The following SALL2 variants were observed in gnomAD, a reference collection of about 807,000 sequenced individuals.
The protein encoded by SALL2 is spalt like transcription factor 2, also known as sal-like protein 2.
SALL2 carries 32 observed loss-of-function variants against 58.5 expected under a neutral mutation model. The observed-to-expected ratio is 0.55, with a 90% CI of 0.41 to 0.74. The LOEUF (loss-of-function observed/expected upper bound fraction) is 0.74. SALL2 is among the 30% of genes least tolerant of loss of function. The probability of loss-of-function intolerance (pLI) is 0.00; values close to 1 mark genes in which losing one functional copy is unlikely to be tolerated. For synonymous variants in SALL2, 516 were observed against 513.6 expected (o/e 1.00, Z -0.06); for missense variants, 1,201 against 1,268.9 (o/e 0.95, Z 0.81).
At chr14:21,531,302 C>T (rs1023494406), upstream of SALL2, among the ~76,000 whole-genome samples, 1 of 152,262 alleles carries the variant, frequency 6.6e-6, no homozygotes, top group African/African-American at 2.4e-5. Context: ...CTGACACTCT[C>T]ATTGTCATTG....
chr14:21,525,569 C>G lies in SALL2; in HGVS notation c.153G>C (p.Gln51His). 1.2e-6 allele frequency: 2 copies of G among 1,613,622 alleles called. No homozygotes were observed. The highest frequency in any genetic ancestry group is 1.7e-6 in the Non-Finnish European group (2 of 1,179,792). ...FTDPTEFLAH[Q>H]NACSTDPPVM... is the part of the protein sequence containing the mutation. ...CAGGAGGGTCAGTAGAACATGCGTT[C>G]TGGTGGGCGAGGAATTCAGTTGGGT... is the stretch of plus-strand genomic sequence containing the variant. The change falls in exon 2 of 2, where the codon CAG becomes CAC. Residue 51 changes from glutamine (Q) to histidine (H), a missense_variant. Gln to His is a conservative substitution (Grantham distance 24). Around this residue, in one of 3 missense-constraint regions of SALL2, gnomAD observed 467 missense variants for 468.9 expected, o/e 1.00. Coordinates refer to ENST00000537235, the MANE Select transcript of SALL2 (RefSeq NM_001364564.1). The surrounding 1 kb of genome is among the most constrained non-coding windows in gnomAD (Gnocchi z 4.4).
chr14:21,523,959 G>A lies in SALL2; in HGVS notation c.1763C>T (p.Ser588Leu), dbSNP rs767114272. 53 of 1,614,106 alleles carry A rather than the reference G, an allele frequency of 3.3e-5. No homozygotes were observed. The highest frequency in any genetic ancestry group is 4.4e-5 in the Non-Finnish European group (52 of 1,180,040). Residue 588 changes from serine (S) to leucine (L), a missense_variant, in exon 2 of 2, where the codon TCA (serine) becomes TTA (leucine). This residue lies in a region of SALL2 where 675 missense variants were observed against 683.8 expected (regional missense o/e 0.99). Coordinates refer to ENST00000537235, the MANE Select transcript of SALL2 (RefSeq NM_001364564.1). The surrounding 1 kb of genome is among the most constrained non-coding windows in gnomAD (Gnocchi z 4.4). The part of the protein sequence containing the change: ...EPLGASPSET[S>L]KLQQLVEKID... ...CTTTTCTACCAGTTGCTGCAGCTTT[G>A]ATGTCTCAGAGGGTGAGGCCCCCAA...
exon 1 of SALL2, chr14:21,536,972 C>T: frequency 1.0e-5 from 16 of 1,543,386 alleles, no homozygotes; most frequent in Non-Finnish European, 1.4e-5. Flanking sequence ...TTGGTCTTAA[C>T]CGGGGTGACC....
chr14:21,533,349 G>GC (rs1892513324), intron 1 of SALL2, among the ~76,000 whole-genome samples: 1 of 152,112 alleles, frequency 6.6e-6, no homozygotes, highest in African/African-American at 2.4e-5. Context: ...TGTAAACAGA[G>GC]CCCCCAAAAC....
At chr14:21,536,880 C>T in intron 1 of SALL2, 1 of 1,614,166 alleles carries the variant, frequency 6.2e-7, no homozygotes. Context: ...CTTCGCAGTC[C>T]GAGATTAACT....
In SALL2 at chr14:21,525,785, G is replaced by T. The variant is rs1431298465; in HGVS notation, c.68-131C>A. 5 of 937,552 alleles carry T rather than the reference G, an allele frequency of 5.3e-6. No homozygotes were observed. Among genetic ancestry groups the T allele is most frequent in the Non-Finnish European group, 7.4e-6 (5 of 674,968 alleles). The allele number at this position is 937,552 out of a possible 1,614,324, so 58.1% of individuals were successfully genotyped here. ...ATGAGCTCACCATCAGGGCCATGCA[G>T]AAGTCTAGAGCTCAGGCCTGATCCG... is the stretch of plus-strand genomic sequence containing the variant. On this transcript the variant is annotated intron_variant, in intron 1 of 1. Transcript: ENST00000537235. The surrounding 1 kb of genome is among the most constrained non-coding windows in gnomAD (Gnocchi z 4.4).
chr14:21,529,737 C>T (rs1195494958), upstream of SALL2, among the ~76,000 whole-genome samples: 1 of 152,030 alleles, frequency 6.6e-6, no homozygotes, highest in Admixed American at 6.6e-5. Flanking sequence ...TGCTTGAGGC[C>T]AGGAATTTGA....
chr14:21,535,071 A>C (rs11625212), intron 1 of SALL2, among the ~76,000 whole-genome samples: 2,195 of 152,188 alleles, frequency 0.014, 27 homozygotes, highest in Non-Finnish European at 0.021. Flanking sequence ...GATGGCCGGG[A>C]GCGGTGGCTC....
At chr14:21,534,492 T>G (rs10140533) in intron 1 of SALL2, among the ~76,000 whole-genome samples, 2 of 152,118 alleles carry the variant, frequency 1.3e-5, no homozygotes, top group East Asian at 3.9e-4. Context: ...TGCCCCCAGG[T>G]GGAAGCTATA....
chr14:21,522,873 C>G lies in SALL2; in HGVS notation c.2849G>C (p.Arg950Pro), dbSNP rs762891326. Residue 950 changes from arginine (R) to proline (P), a missense_variant, in exon 2 of 2, where the codon CGG becomes CCG. Around this residue, in one of 3 missense-constraint regions of SALL2, gnomAD observed 675 missense variants for 683.8 expected, o/e 0.99. Coordinates refer to ENST00000537235, the MANE Select transcript of SALL2 (RefSeq NM_001364564.1). ...GAGCATATGCTTCTTGAGGGTAGCC[C>G]GCTCAAGAAAGCCCTGCCTGCAGAA... ...CVFCRQGFLE[R>P]ATLKKHMLLA... 3.1e-6 allele frequency: 5 copies of G among 1,610,690 alleles called. No individual in the cohort carries two copies. In the East Asian group the frequency reaches 1.1e-4, roughly 36 times the overall value.
In SALL2 at chr14:21,523,021, C is replaced by T. The variant is rs1892106257; in HGVS notation, c.2701G>A (p.Glu901Lys). 6.2e-7 allele frequency: 1 copy of T among 1,614,110 alleles called. No individual in the cohort carries two copies. The highest frequency in any genetic ancestry group is 1.1e-5 in the South Asian group (1 of 91,086). Residue 901 changes from glutamate (E) to lysine (K), a missense_variant, in exon 2 of 2, where the codon GAG becomes AAG. Coordinates refer to ENST00000537235, the MANE Select transcript of SALL2 (RefSeq NM_001364564.1). This position sits in a 1 kb window ranked among gnomAD's most constrained non-coding sequence, Gnocchi z 4.4. ...TTTCTGCTGCTGCTCTCTCCTGGCT[C>T]CTTTCTCATTGCCTCCTGCAGGCTC... Reference protein sequence around the residue: ...ELSLQEAMRKEPGESSSRKAC... With the variant: ...ELSLQEAMRKKPGESSSRKAC...
chr14:21,531,709 C>CT (rs199554935), intron 1 of SALL2, among the ~76,000 whole-genome samples: 43,638 of 138,312 alleles, frequency 0.32, 8,033 homozygotes, highest in Middle Eastern at 0.49. Flanking sequence ...GCCTGGCCAG[C>CT]CTTTTTTTTT....
At chr14:21,533,651 A>G (rs964328391) in intron 1 of SALL2, among the ~76,000 whole-genome samples, 5 of 150,560 alleles carry the variant, frequency 3.3e-5, no homozygotes, top group Non-Finnish European at 5.9e-5. Flanking sequence ...TTTCCTGCCC[A>G]TCACTTATAT....
Position 21,523,841 on chromosome 14 carries a change from T to C in SALL2, c.1881A>G (p.Gly627=). ...GGAGACAGATGACACACTGGTTAGGTCCAGAAGAGGCTGAGGATGAAGGTG... is the reference window on the plus strand; with the variant it reads ...GGAGACAGATGACACACTGGTTAGGCCCAGAAGAGGCTGAGGATGAAGGTG... ...APAPSSSASS[G]PNQCVICLRV... The change falls in exon 2 of 2, where the codon GGA becomes GGG. Residue 627 remains glycine (G), a synonymous_variant. Coordinates refer to ENST00000537235, the MANE Select transcript of SALL2 (RefSeq NM_001364564.1). This position sits in a 1 kb window ranked among gnomAD's most constrained non-coding sequence, Gnocchi z 4.4. The C allele has an allele frequency of 6.2e-7, 1 of 1,614,134 alleles. No individual in the cohort carries two copies.
rs1450452668 is a variant in SALL2, at chr14:21,524,930, C to T, written c.792G>A (p.Gly264=). The change falls in exon 2 of 2, where the codon GGG becomes GGA. Residue 264 remains glycine (G), a synonymous_variant. Coordinates refer to ENST00000537235, the MANE Select transcript of SALL2 (RefSeq NM_001364564.1). The part of the protein sequence containing the change: ...SSSSSSSSSS[G]AETPKQAFFH... ...AGAAGGCCTGCTTGGGCGTTTCTGCCCCTGAAGAGGAAGAGGAGGAGGAGG... is the reference window on the plus strand; with the variant it reads ...AGAAGGCCTGCTTGGGCGTTTCTGCTCCTGAAGAGGAAGAGGAGGAGGAGG... The T allele has an allele frequency of 6.2e-7, 1 of 1,614,128 alleles. No homozygotes were observed. Among genetic ancestry groups the T allele is most frequent in the Non-Finnish European group, 8.5e-7 (1 of 1,179,994 alleles).
chr14:21,527,065 A>G (rs1892340101), upstream of SALL2, among the ~76,000 whole-genome samples: 1 of 152,156 alleles, frequency 6.6e-6, no homozygotes, highest in Non-Finnish European at 1.5e-5. Context: ...TTAATAAGCC[A>G]TCTCCTATTT....
intron 1 of SALL2, among the ~76,000 whole-genome samples, chr14:21,532,233 A>G (rs1183987896): frequency 3.3e-5 from 5 of 152,228 alleles, no homozygotes; most frequent in African/African-American, 1.2e-4. Context: ...AGGTACCCAA[A>G]CATTATATGA....
Position 21,536,964 on chromosome 14 carries a change from G to A in SALL2, c.-116C>T, listed in dbSNP as rs775962496. ...GGAGAGGGAGGGGCAACGCTCACTT[G>A]GTCTTAACCGGGGTGACCTGGTCTC... is the stretch of plus-strand genomic sequence containing the variant. On this transcript the variant is annotated splice_region_variant and 5_prime_UTR_variant, in exon 1 of 2. Transcript: ENST00000541965. 3.6e-4 allele frequency: 566 copies of A among 1,578,538 alleles called. 3 individuals are homozygous for A. Among genetic ancestry groups the A allele is most frequent in the East Asian group, 3.5e-3 (157 of 44,706 alleles).
chr14:21,522,853 T>C lies in SALL2; in HGVS notation c.2869A>G (p.Met957Val), dbSNP rs1375973870. The C allele has an allele frequency of 6.2e-7, 1 of 1,610,866 alleles. No homozygotes were observed. Among genetic ancestry groups the C allele is most frequent in the Admixed American group, 1.7e-5 (1 of 59,622 alleles). Residue 957 changes from methionine (M) to valine (V), a missense_variant, in exon 2 of 2, where the codon ATG (methionine) becomes GTG (valine). Coordinates refer to ENST00000537235, the MANE Select transcript of SALL2 (RefSeq NM_001364564.1). ...TGTACCTGGTGGTGTGCCAGGAGCA[T>C]ATGCTTCTTGAGGGTAGCCCGCTCA... ...FLERATLKKH[M>V]LLAHHQVQPF...
Sources: gnomAD v4.1 joint callset for allele counts (sites outside exome capture counted in the v4.1 genomes callset) on GRCh38, gnomAD v4.1.1 for gene constraint, gnomAD v4.1.1 regional missense constraint, Gnocchi (gnomAD v3.1) non-coding constraint, MANE v1.5 for transcripts, NCBI Gene and HGNC (gene_info 2026-07-23, HGNC 2026-07-21) for gene names.